Variants in USH2A observed in about 807,000 individuals in gnomAD.
USH2A encodes usherin.
A neutral mutation model predicts 538.9 loss-of-function variants in USH2A; 443 were observed. The ratio of observed to expected loss-of-function variants is 0.82; its 90% CI spans 0.76 to 0.89. The LOEUF is 0.89. USH2A is among the 40% of genes least tolerant of loss of function. The pLI, the probability that USH2A is intolerant of heterozygous loss-of-function variation, is 0.00. For synonymous variants in USH2A, 2,413 were observed against 2,273.5 expected (o/e 1.06, Z -1.75); for missense variants, 6,633 against 6,324.8 (o/e 1.05, Z -1.65).
chr1:216,198,421 G>T lies in USH2A; in HGVS notation c.3975C>A (p.Thr1325=), dbSNP rs141889269. 10 of 1,613,852 alleles carry T rather than the reference G, an allele frequency of 6.2e-6. No individual in the cohort carries two copies. In the African/African-American group the frequency reaches 1.2e-4, roughly 19 times the overall value. Residue 1325 remains threonine, a synonymous_variant, in exon 18 of 72, where the codon ACC becomes ACA. Coordinates refer to ENST00000307340, the MANE Select transcript of USH2A (RefSeq NM_206933.4). ...TGGTGTATGGCTCCAAGCCAGTGAT[G>T]GTTGTCATTGTTTGAGGAGGTTTTA... is the stretch of plus-strand genomic sequence containing the variant. The part of the protein sequence containing the change: ...NALKPPQTMT[T]ITGLEPYTKY...
chr1:215,686,785 C>T (rs1658437413), intron 61 of USH2A, among the ~76,000 whole-genome samples: 1 of 132,202 alleles, frequency 7.6e-6, no homozygotes, highest in African/African-American at 2.7e-5. Context: ...TATAGATTGC[C>T]ATTTGCACAA....
At chr1:216,365,659 G>A (rs1017243476) in intron 3 of USH2A, among the ~76,000 whole-genome samples, 1 of 150,166 alleles carries the variant, frequency 6.7e-6, no homozygotes, top group Non-Finnish European at 1.5e-5. Flanking sequence ...CCTAATAACT[G>A]CACATATTAG....
In USH2A at chr1:215,675,232, C is replaced by T. The variant is rs1394540351; in HGVS notation, c.12679G>A (p.Asp4227Asn). Residue 4227 changes from aspartate (D) to asparagine (N), a missense_variant, in exon 63 of 72, where the codon GAC becomes AAC. Coordinates refer to ENST00000307340, the MANE Select transcript of USH2A (RefSeq NM_206933.4). ...TGCGTCCATGGTTGCAAACCTGTGT[C>T]ATTATACATAAATGTATTCCTTTCA... ...NTERNTFMYN[D>N]TGLQPWTQCE... 2 of 1,614,040 alleles carry T rather than the reference C, an allele frequency of 1.2e-6. No homozygotes were observed. Among genetic ancestry groups the T allele is most frequent in the Non-Finnish European group, 1.7e-6 (2 of 1,180,036 alleles).
intron 14 of USH2A, among the ~76,000 whole-genome samples, chr1:216,230,691 C>T (rs1034261457): frequency 6.6e-6 from 1 of 151,874 alleles, no homozygotes; most frequent in Non-Finnish European, 1.5e-5. Context: ...TTTAAAAGAG[C>T]CCAGATAATC....
Position 216,327,845 on chromosome 1 carries a change from C to A in USH2A, c.785-191G>T, listed in dbSNP as rs995724393. 2.0e-5 allele frequency among the ~76,000 whole-genome samples: 3 copies of A among 152,256 alleles called. No individual in the cohort carries two copies. The South Asian group carries it at 6.2e-4, about 32-fold the overall frequency. On this transcript the variant is annotated intron_variant, in intron 4 of 71. Coordinates refer to ENST00000307340, the MANE Select transcript of USH2A (RefSeq NM_206933.4). ...TAATAACAAAAATAATCATAGTTAT[C>A]TCCATGGACACTGTAGGACTTAAGT... is the stretch of plus-strand genomic sequence containing the variant.
chr1:215,800,218 A>G (rs1296487230), intron 49 of USH2A, among the ~76,000 whole-genome samples: 3 of 152,056 alleles, frequency 2.0e-5, no homozygotes, highest in East Asian at 1.9e-4. Flanking sequence ...TCTCTTCTCT[A>G]TCTCATGACC....
chr1:215,758,010 G>A (rs752613026), intron 58 of USH2A, among the ~76,000 whole-genome samples: 4 of 152,006 alleles, frequency 2.6e-5, no homozygotes, highest in Non-Finnish European at 5.9e-5. Context: ...TAAGCCGGGC[G>A]TGGTGGCTCA....
intron 19 of USH2A, among the ~76,000 whole-genome samples, chr1:216,195,288 C>T (rs1032148873): frequency 2.0e-5 from 3 of 152,012 alleles, no homozygotes; most frequent in African/African-American, 7.2e-5. Context: ...GTGGTTCAGG[C>T]CCCCATGACA....
At chr1:215,746,490 G>A (rs942955855) in intron 58 of USH2A, among the ~76,000 whole-genome samples, 2 of 152,266 alleles carry the variant, frequency 1.3e-5, no homozygotes, top group African/African-American at 4.8e-5. Flanking sequence ...GTTTTTACTA[G>A]TGCATGGTGG....
Position 216,419,816 on chromosome 1 carries a change from T to G in USH2A, c.486-1137A>C, listed in dbSNP as rs73102595. ...GGTTTAAAGCTTTCCTTAAAGGGCA[T>G]GTTTTTCACACATAATTTCTTCTCA... On this transcript the variant is annotated intron_variant, in intron 2 of 71. Coordinates refer to ENST00000307340, the MANE Select transcript of USH2A (RefSeq NM_206933.4). Among the ~76,000 whole-genome samples the G allele has an allele frequency of 6.8e-3, 1,037 of 152,228 alleles. 3 individuals are homozygous for G. The highest frequency in any genetic ancestry group is 0.038 in the East Asian group (198 of 5,158).
intron 38 of USH2A, among the ~76,000 whole-genome samples, chr1:215,921,799 G>C (rs1666105580): frequency 6.6e-6 from 1 of 151,994 alleles, no homozygotes; most frequent in Admixed American, 6.6e-5. Context: ...TGTAAATAGG[G>C]ATAATAATAG....
chr1:215,859,628 A>T (rs1664263919), intron 44 of USH2A, among the ~76,000 whole-genome samples: 1 of 152,068 alleles, frequency 6.6e-6, no homozygotes, highest in Non-Finnish European at 1.5e-5. Context: ...GCTGGACTTG[A>T]GTATGCACAG....
At chr1:215,834,243 G>A (rs1663411209) in intron 47 of USH2A, among the ~76,000 whole-genome samples, 1 of 152,070 alleles carries the variant, frequency 6.6e-6, no homozygotes, top group East Asian at 1.9e-4. Context: ...GTATATAGAT[G>A]TTTTACAGCA....
chr1:215,865,337 A>G (rs939053072), intron 44 of USH2A, among the ~76,000 whole-genome samples: 1 of 152,218 alleles, frequency 6.6e-6, no homozygotes, highest in Non-Finnish European at 1.5e-5. Context: ...TCAGAGGTTC[A>G]GATTACCAAG....
chr1:216,170,830 A>AT (rs538326873), intron 21 of USH2A, among the ~76,000 whole-genome samples: 17 of 151,298 alleles, frequency 1.1e-4, no homozygotes, highest in South Asian at 2.1e-4. Context: ...AACGAGCATG[A>AT]TTTTTTTTTC....
At chr1:216,059,427 G>A (rs1051686012) in intron 30 of USH2A, among the ~76,000 whole-genome samples, 1 of 152,106 alleles carries the variant, frequency 6.6e-6, no homozygotes, top group African/African-American at 2.4e-5. Flanking sequence ...CAAACAATGA[G>A]TATCACTTCT....
At chr1:216,259,753 T>C (rs967126725) in intron 11 of USH2A, among the ~76,000 whole-genome samples, 3 of 152,144 alleles carry the variant, frequency 2.0e-5, no homozygotes, top group African/African-American at 7.2e-5. Flanking sequence ...TACTAAAATA[T>C]AAAATTTTTG....
At chr1:216,151,761 T>A (rs1413960955) in intron 21 of USH2A, among the ~76,000 whole-genome samples, 5 of 152,138 alleles carry the variant, frequency 3.3e-5, no homozygotes, top group African/African-American at 1.2e-4. Context: ...GCCTGGTGTA[T>A]GACAACATAA....
chr1:216,146,467 C>T (rs564923277), intron 21 of USH2A, among the ~76,000 whole-genome samples: 1 of 152,280 alleles, frequency 6.6e-6, no homozygotes, highest in South Asian at 2.1e-4. Context: ...GGTGTCAGAC[C>T]ACGCAGGGAC....
Sources: gnomAD v4.1 joint callset for allele counts (sites outside exome capture counted in the v4.1 genomes callset) on GRCh38, gnomAD v4.1.1 for gene constraint, MANE v1.5 for transcripts, NCBI Gene and HGNC (gene_info 2026-07-23, HGNC 2026-07-21) for gene names.